Variants in NBEAL1 observed in about 807,000 individuals in gnomAD.
The protein encoded by NBEAL1 is neurobeachin like 1, also known as neurobeachin-like protein 1.
NBEAL1 carries 273 observed loss-of-function variants against 351.3 expected under a neutral mutation model. The ratio of observed to expected loss-of-function variants is 0.78; its 90% CI spans 0.70 to 0.86. The LOEUF is 0.86. Ranked by LOEUF, NBEAL1 falls within the 40% of genes least tolerant of loss-of-function variation. The probability of loss-of-function intolerance (pLI) is 0.00; values close to 1 mark genes in which losing one functional copy is unlikely to be tolerated. For synonymous variants in NBEAL1, 1,050 were observed against 1,086.4 expected (o/e 0.97, Z 0.66); for missense variants, 2,961 against 3,201.3 (o/e 0.92, Z 1.81).
intron 6 of NBEAL1, among the ~76,000 whole-genome samples, chr2:203,064,650 G>C (rs998871419): frequency 6.6e-6 from 1 of 152,154 alleles, no homozygotes; most frequent in Admixed American, 6.5e-5. Context: ...GAGGGCTGGA[G>C]GACAACTTTC....
chr2:203,183,678 G>C (rs1268861268), intron 44 of NBEAL1, among the ~76,000 whole-genome samples: 1 of 152,086 alleles, frequency 6.6e-6, no homozygotes, highest in Non-Finnish European at 1.5e-5. Flanking sequence ...CAGTCACCAA[G>C]CTGGTGTAGT....
At chr2:203,098,074 G>A (rs1046529274) in intron 11 of NBEAL1, among the ~76,000 whole-genome samples, 4 of 152,050 alleles carry the variant, frequency 2.6e-5, no homozygotes, top group African/African-American at 9.7e-5. Context: ...CTGAATCTTG[G>A]AGGAAGGGAA....
In NBEAL1 at chr2:203,199,488, T is replaced by C. The variant is rs188940639; in HGVS notation, c.7238+41T>C. On this transcript the variant is annotated intron_variant, in intron 49 of 55. Transcript: ENST00000683969. ...TGTAAAGCAAAATAGCTATACCAGA[T>C]ACCTTATTGCCAGGAAAAAAACTAG... 3.1e-6 allele frequency: 3 copies of C among 957,936 alleles called. No homozygotes were observed. The African/African-American group carries it at 4.9e-5, about 16-fold the overall frequency. The allele number at this position is 957,936 out of a possible 1,614,324, so 59.3% of individuals were successfully genotyped here. A position where few individuals can be genotyped will look rare whatever the true frequency, so the allele number is the denominator to read the frequency against.
chr2:203,044,964 G>A (rs2061203206), intron 3 of NBEAL1, among the ~76,000 whole-genome samples: 2 of 152,128 alleles, frequency 1.3e-5, no homozygotes, highest in African/African-American at 4.8e-5. Context: ...TGCAACAAAA[G>A]AAGCATAGAA....
chr2:203,086,381 G>A (rs2061960994), intron 10 of NBEAL1, among the ~76,000 whole-genome samples: 1 of 152,130 alleles, frequency 6.6e-6, no homozygotes, highest in African/African-American at 2.4e-5. Context: ...TCCTTTGGAT[G>A]TCTCACCTTT....
intron 2 of NBEAL1, among the ~76,000 whole-genome samples, chr2:203,041,196 G>A (rs2061135083): frequency 6.6e-6 from 1 of 152,166 alleles, no homozygotes; most frequent in South Asian, 2.1e-4. Flanking sequence ...TGGTAAATGA[G>A]TAACTCAAGC....
chr2:203,024,046 A>G (rs1473664491), intron 2 of NBEAL1, among the ~76,000 whole-genome samples: 2 of 144,696 alleles, frequency 1.4e-5, no homozygotes, highest in Non-Finnish European at 3.0e-5. Context: ...GTACAGGGAT[A>G]TTGGCTGGGT....
At chr2:203,046,409 G>C (rs1456226145) in intron 3 of NBEAL1, among the ~76,000 whole-genome samples, 1 of 151,902 alleles carries the variant, frequency 6.6e-6, no homozygotes, top group African/African-American at 2.4e-5. Flanking sequence ...AGTAGACATG[G>C]GGTTTCACCG....
At chr2:203,089,084 C>T (rs934188453) in intron 10 of NBEAL1, among the ~76,000 whole-genome samples, 1 of 152,112 alleles carries the variant, frequency 6.6e-6, no homozygotes, top group East Asian at 1.9e-4. Flanking sequence ...TTAGGCCAGA[C>T]GCGGTGGCTC....
chr2:203,129,304 C>A (rs914854342), intron 24 of NBEAL1, among the ~76,000 whole-genome samples: 1 of 152,144 alleles, frequency 6.6e-6, no homozygotes, highest in African/African-American at 2.4e-5. Flanking sequence ...TTTTTGTGCT[C>A]TTCTGGTATA....
intron 45 of NBEAL1, 86 bp from the exon 46 acceptor site, chr2:203,190,206 A>ACACC (rs1307103942): frequency 3.3e-6 from 2 of 612,956 alleles, no homozygotes; most frequent in African/African-American, 4.3e-5. Context: ...ACACACACAC[A>ACACC]CACCAATGAG....
intron 44 of NBEAL1, among the ~76,000 whole-genome samples, chr2:203,185,870 T>C (rs1324711284): frequency 1.3e-5 from 2 of 152,208 alleles, no homozygotes; most frequent in African/African-American, 4.8e-5. Flanking sequence ...CAATGCCAGA[T>C]TGAAGAGGAG....
rs1174553046 is a variant in NBEAL1, at chr2:203,144,732, A to G, written c.4981A>G (p.Ile1661Val). 20 of 1,614,166 alleles carry G rather than the reference A, an allele frequency of 1.2e-5. No individual in the cohort carries two copies. The highest frequency in any genetic ancestry group is 1.7e-5 in the Non-Finnish European group (20 of 1,180,018). ...LSQSIKEQTE[I>V]YSFLIPLVRT... ...TCAATCAATCAAGGAACAGACTGAA[A>G]TCTACTCATTTCTGATTCCCCTTGT... Residue 1661 changes from isoleucine to valine, a missense_variant, in exon 32 of 56, where the codon ATC (isoleucine) becomes GTC (valine). Physicochemically the swap from Ile to Val is conservative, Grantham distance 29. Transcript: ENST00000683969.
chr2:203,178,600 A>G (rs763132724), intron 42 of NBEAL1, among the ~76,000 whole-genome samples: 2 of 152,256 alleles, frequency 1.3e-5, no homozygotes, highest in Non-Finnish European at 2.9e-5. Flanking sequence ...GTATTGATAC[A>G]TGCTATAATA....
chr2:203,207,463 A>C (rs1034867205), intron 51 of NBEAL1, among the ~76,000 whole-genome samples: 10 of 152,208 alleles, frequency 6.6e-5, no homozygotes, highest in African/African-American at 2.4e-4. Context: ...GTTTTGTGGA[A>C]TAGAAAGGGG....
At chr2:203,035,272 T>C (rs1487112802) in intron 2 of NBEAL1, among the ~76,000 whole-genome samples, 5 of 149,296 alleles carry the variant, frequency 3.3e-5, no homozygotes, top group Non-Finnish European at 6.0e-5. Flanking sequence ...GACTTCATCC[T>C]TTACTAATAG....
chr2:203,184,428 C>T (rs1318141826), intron 44 of NBEAL1, among the ~76,000 whole-genome samples: 1 of 152,072 alleles, frequency 6.6e-6, no homozygotes, highest in African/African-American at 2.4e-5. Flanking sequence ...GAGAAGCCAT[C>T]TCAAAAATAA....
chr2:203,139,359 G>A (rs988766670), intron 31 of NBEAL1, among the ~76,000 whole-genome samples: 8 of 151,954 alleles, frequency 5.3e-5, no homozygotes, highest in Non-Finnish European at 1.2e-4. Context: ...GTACTTGTGA[G>A]AACCTGGGTT....
At chr2:203,172,128 C>T (rs2064338448) in intron 40 of NBEAL1, 105 bp downstream of exon 40, 1 of 520,296 alleles carries the variant, frequency 1.9e-6, no homozygotes, top group Admixed American at 4.1e-5. Flanking sequence ...TATAAAAACA[C>T]TTTGGCCTTT....
Sources: gnomAD v4.1 joint callset for allele counts (sites outside exome capture counted in the v4.1 genomes callset) on GRCh38, gnomAD v4.1.1 for gene constraint, MANE v1.5 for transcripts, NCBI Gene and HGNC (gene_info 2026-07-23, HGNC 2026-07-21) for gene names.